Variants in KCNA6 observed in about 807,000 individuals in gnomAD.
KCNA6 encodes human brain potassium channel-2.
KCNA6 carries 17 observed loss-of-function variants against 29.5 expected under a neutral mutation model. The observed-to-expected ratio is 0.58, with a 90% confidence interval of 0.39 to 0.86. The LOEUF is 0.86. Ranked by LOEUF, KCNA6 falls within the 40% of genes least tolerant of loss-of-function variation. The pLI is 0.00. For synonymous variants in KCNA6, 296 were observed against 304.7 expected (o/e 0.97, Z 0.30); for missense variants, 450 against 703.4 (o/e 0.64, Z 4.07).
Position 4,811,461 on chromosome 12 carries a change from C to T in KCNA6, c.1420C>T (p.Gln474Ter). The change falls in exon 1 of 1, where the codon CAA (glutamine) becomes TAA (stop). Residue 474 changes from glutamine to a stop codon, truncating the protein, a stop_gained. Transcript: ENST00000280684. LOFTEE classifies it high-confidence loss of function. This position sits in a 1 kb window ranked among gnomAD's most constrained non-coding sequence, Gnocchi z 7.1. ...CCACCGGGAGACGGAGCAGGAGGAG[C>T]AAGGCCAGTATACCCACGTCACTTG... 1 of 1,614,220 alleles carries T rather than the reference C, an allele frequency of 6.2e-7. No homozygotes were observed. The highest frequency in any genetic ancestry group is 8.5e-7 in the Non-Finnish European group (1 of 1,180,038).
At chr12:4,826,589 T>C in the KCNA6 span, among the ~76,000 whole-genome samples, 4 of 152,384 alleles carry the variant, frequency 2.6e-5, no homozygotes, top group South Asian at 8.3e-4. Flanking sequence ...GTCACCTGCC[T>C]GGCCCTCAGC....
the KCNA6 span, among the ~76,000 whole-genome samples, chr12:4,829,721 A>C: frequency 3.3e-5 from 5 of 152,122 alleles, no homozygotes; most frequent in African/African-American, 1.2e-4. Flanking sequence ...AAAAGTCTCT[A>C]GAGGTTCTTG....
downstream of KCNA6, among the ~76,000 whole-genome samples, chr12:4,816,290 G>GTGTC (rs1349756014): frequency 7.7e-6 from 1 of 129,414 alleles, no homozygotes; most frequent in Non-Finnish European, 1.7e-5. Context: ...GTGTGTGTGT[G>GTGTC]TGTGTGTCTG....
Position 4,811,719 on chromosome 12 carries a change from A to G in KCNA6, c.*88A>G. 6.8e-7 allele frequency: 1 copy of G among 1,470,620 alleles called. No individual in the cohort carries two copies. The highest frequency in any genetic ancestry group is 1.3e-5 in the South Asian group (1 of 75,428). The allele number at this position is 1,470,620 out of a possible 1,614,324, so 91.1% of individuals were successfully genotyped here. A position where few individuals can be genotyped will look rare whatever the true frequency, so the allele number is the denominator to read the frequency against. On this transcript the variant is annotated 3_prime_UTR_variant, in exon 1 of 1. Transcript: ENST00000280684. This position sits in a 1 kb window ranked among gnomAD's most constrained non-coding sequence, Gnocchi z 7.1. ...CATTTCCACTACTCACTCTAGCTTC[A>G]GTTGACTTCTTGACTCTCTCCCCTA...
At chr12:4,834,336 G>A in the KCNA6 span, among the ~76,000 whole-genome samples, 17 of 152,274 alleles carry the variant, frequency 1.1e-4, no homozygotes, top group African/African-American at 4.1e-4. Flanking sequence ...GTTGGGAACC[G>A]GTAGGGTGCA....
the KCNA6 span, among the ~76,000 whole-genome samples, chr12:4,819,887 C>T: frequency 6.6e-6 from 1 of 152,232 alleles, no homozygotes; most frequent in African/African-American, 2.4e-5. Context: ...TTGCCTTACA[C>T]AGTTGCTGTG....
At chr12:4,818,925 T>C in the KCNA6 span, among the ~76,000 whole-genome samples, 1 of 151,426 alleles carries the variant, frequency 6.6e-6, no homozygotes, top group Non-Finnish European at 1.5e-5. Flanking sequence ...TACACATACA[T>C]ACATACACAA....
the KCNA6 span, among the ~76,000 whole-genome samples, chr12:4,833,021 C>T: frequency 6.6e-6 from 1 of 152,042 alleles, no homozygotes; most frequent in African/African-American, 2.4e-5. Flanking sequence ...TTTTATTCCT[C>T]AGAGCACAAT....
the KCNA6 span, among the ~76,000 whole-genome samples, chr12:4,843,160 T>C: frequency 6.7e-5 from 10 of 150,064 alleles, no homozygotes; most frequent in African/African-American, 2.5e-4. Context: ...GGCAAAACAG[T>C]GATCATGTTT....
the KCNA6 span, among the ~76,000 whole-genome samples, chr12:4,836,760 G>C: frequency 6.6e-6 from 1 of 152,210 alleles, no homozygotes; most frequent in Non-Finnish European, 1.5e-5. Context: ...GAAGCAAGAT[G>C]GGAGTGCGAC....
chr12:4,835,292 G>A, the KCNA6 span, among the ~76,000 whole-genome samples: 33 of 151,784 alleles, frequency 2.2e-4, no homozygotes, highest in Non-Finnish European at 3.7e-4. Context: ...CCGCCACTGC[G>A]CCTGGCTAAT....
chr12:4,829,356 G>T, the KCNA6 span, among the ~76,000 whole-genome samples: 1 of 152,114 alleles, frequency 6.6e-6, no homozygotes, highest in Non-Finnish European at 1.5e-5. Context: ...CAGAAGCATT[G>T]CTGGATATGA....
chr12:4,841,054 A>G, the KCNA6 span, among the ~76,000 whole-genome samples: 2 of 152,256 alleles, frequency 1.3e-5, no homozygotes, highest in East Asian at 1.9e-4. Flanking sequence ...ATGAATTTAA[A>G]CTCATTTTAC....
the KCNA6 span, among the ~76,000 whole-genome samples, chr12:4,830,147 C>T: frequency 6.6e-6 from 1 of 152,234 alleles, no homozygotes. Context: ...CTGAAAGGTG[C>T]AGTTGCGTTC....
chr12:4,827,355 C>T, the KCNA6 span, among the ~76,000 whole-genome samples: 6 of 151,900 alleles, frequency 3.9e-5, no homozygotes, highest in Admixed American at 1.3e-4. Context: ...TTCTTTATTT[C>T]GGTGTTGCAA....
At chr12:4,835,377 G>A in the KCNA6 span, among the ~76,000 whole-genome samples, 11 of 151,898 alleles carry the variant, frequency 7.2e-5, no homozygotes, top group East Asian at 1.2e-3. Context: ...CTTGTGATCC[G>A]CCCGCCTCAG....
chr12:4,810,276 C>G lies in KCNA6; in HGVS notation c.235C>G (p.Pro79Ala). ...TGGCCGGCGAGTCCGCTTCTTCGAC[C>G]CCCTGAGGAACGAGTACTTCTTCGA... The change falls in exon 1 of 1, where the codon CCC (proline) becomes GCC (alanine). Residue 79 changes from proline (P) to alanine (A), a missense_variant. By Grantham distance (27) the Pro-to-Ala change is conservative (BLOSUM62 -1). Coordinates refer to ENST00000280684, the Ensembl canonical transcript of KCNA6. The surrounding 1 kb of genome is among the most constrained non-coding windows in gnomAD (Gnocchi z 7.5). The G allele has an allele frequency of 6.2e-7, 1 of 1,614,082 alleles. No individual in the cohort carries two copies. The highest frequency in any genetic ancestry group is 2.2e-5 in the East Asian group (1 of 44,886).
At chr12:4,838,608 G>A in the KCNA6 span, among the ~76,000 whole-genome samples, 2 of 152,216 alleles carry the variant, frequency 1.3e-5, no homozygotes, top group Admixed American at 1.3e-4. Context: ...ATTTTGAACA[G>A]AACACATAAC....
chr12:4,847,385 C>T, the KCNA6 span, among the ~76,000 whole-genome samples: 4 of 151,860 alleles, frequency 2.6e-5, no homozygotes, highest in Non-Finnish European at 4.4e-5. Flanking sequence ...TTCTTTTTGC[C>T]TGTTCTCTTT....
Sources: gnomAD v4.1 joint callset for allele counts (sites outside exome capture counted in the v4.1 genomes callset) on GRCh38, gnomAD v4.1.1 for gene constraint, Gnocchi (gnomAD v3.1) non-coding constraint, MANE v1.5 for transcripts, NCBI Gene and HGNC (gene_info 2026-07-23, HGNC 2026-07-21) for gene names.